MED13L: variants seen among roughly 807,000 people sequenced by gnomAD.
MED13L encodes mediator of RNA polymerase II transcription subunit 13-like.
Under a neutral mutation model 220.9 loss-of-function variants are expected in MED13L, and 7 were observed. The ratio of observed to expected loss-of-function variants is 0.03; its 90% CI spans 0.02 to 0.06. MED13L has a LOEUF of 0.06. Among genes scored for constraint, MED13L ranks in the 10% least tolerant of loss-of-function variants. MED13L has a pLI of 1.00. For synonymous variants in MED13L, 1,011 were observed against 1,015.2 expected, an observed-to-expected ratio of 1.00 and a Z score of 0.08; for missense variants, 1,965 against 2,760.5, an observed-to-expected ratio of 0.71 and a Z score of 6.46.
chr12:115,980,636 T>C lies in MED13L; in HGVS notation c.5364+114A>G, dbSNP rs896323564. ...AACACATCCAGCCTAGCAACTCTTA[T>C]ATCAATGTAGAAGACCAACTAAGCA... On this transcript the variant is annotated intron_variant, in intron 23 of 30. Coordinates refer to ENST00000281928, the MANE Select transcript of MED13L (RefSeq NM_015335.5). 1.4e-4 allele frequency: 156 copies of C among 1,128,280 alleles called. No individual in the cohort carries two copies. The East Asian group carries it at 3.2e-3, about 23-fold the overall frequency. The allele number at this position is 1,128,280 out of a possible 1,614,324, so 69.9% of individuals were successfully genotyped here.
chr12:116,215,776 T>G (rs892187078), intron 2 of MED13L, among the ~76,000 whole-genome samples: 3 of 152,104 alleles, frequency 2.0e-5, no homozygotes, highest in Non-Finnish European at 4.4e-5. Context: ...AAACACCAAT[T>G]TAATGGTCCT....
chr12:116,087,383 G>A (rs1871787268), intron 4 of MED13L, among the ~76,000 whole-genome samples: 1 of 152,112 alleles, frequency 6.6e-6, no homozygotes, highest in Non-Finnish European at 1.5e-5. Context: ...AAAAAAAAGT[G>A]TAAAGTCAAC....
At chr12:115,961,420 G>A in intron 30 of MED13L, 22 bp from the exon 31 acceptor site, 1 of 1,612,830 alleles carries the variant, frequency 6.2e-7, no homozygotes, top group Non-Finnish European at 8.5e-7. Flanking sequence ...AACACACAGA[G>A]CAGGGGCGTG....
At chr12:116,102,710 CT>C (rs869201518) in intron 3 of MED13L, among the ~76,000 whole-genome samples, 667 of 68,660 alleles carry the variant, frequency 9.7e-3, no homozygotes, top group Non-Finnish European at 0.014. Context: ...TTTCTTTTTT[CT>C]TTTTTTTTTT....
chr12:116,148,502 C>A, intron 2 of MED13L: 1 of 310,302 alleles, frequency 3.2e-6, no homozygotes, highest in South Asian at 2.9e-5. Flanking sequence ...ATATAGTAAC[C>A]AGCTAAAGAT....
At chr12:116,037,386 G>A (rs929476792) in intron 4 of MED13L, among the ~76,000 whole-genome samples, 2 of 152,162 alleles carry the variant, frequency 1.3e-5, no homozygotes, top group African/African-American at 4.8e-5. Context: ...CAGGCTGTAT[G>A]TACAAGGTAT....
chr12:116,106,264 T>C (rs995677940), intron 3 of MED13L, among the ~76,000 whole-genome samples: 8 of 152,144 alleles, frequency 5.3e-5, no homozygotes, highest in Admixed American at 4.6e-4. Flanking sequence ...GATGGACTTC[T>C]GGAAGGCTGG....
chr12:116,191,428 T>C (rs1486393256), intron 2 of MED13L, among the ~76,000 whole-genome samples: 2 of 151,978 alleles, frequency 1.3e-5, no homozygotes, highest in Non-Finnish European at 2.9e-5. Context: ...CCCCCTGGGT[T>C]CAAGCAATTC....
At chr12:116,276,400 A>C (rs1336476264) in intron 1 of MED13L, 7 of 1,277,886 alleles carry the variant, frequency 5.5e-6, no homozygotes, top group Admixed American at 4.6e-5. Context: ...AAGACACAGG[A>C]GGAGAGAAAG....
intron 1 of MED13L, among the ~76,000 whole-genome samples, chr12:116,247,255 T>G (rs1276142618): frequency 6.6e-6 from 1 of 151,804 alleles, no homozygotes; most frequent in East Asian, 1.9e-4. Context: ...AAAAGGAAAT[T>G]TAAACAAAAT....
At position 115,963,492 on chromosome 12, in the gene MED13L, C is replaced by T; in HGVS notation, c.6415G>A (p.Ala2139Thr). ...KASLHHHISV[A>T]QTDELLPARN... Reference sequence around the variant, plus strand: ...GCAGGCAGAAGTTCGTCTGTCTGTGCTACTGAAATGTGGTGATGCAGCGAA... The same window carrying T: ...GCAGGCAGAAGTTCGTCTGTCTGTGTTACTGAAATGTGGTGATGCAGCGAA... Residue 2139 changes from alanine to threonine, a missense_variant, in exon 30 of 31, where the codon GCA becomes ACA. Coordinates refer to ENST00000281928, the MANE Select transcript of MED13L (RefSeq NM_015335.5). The T allele has an allele frequency of 6.2e-7, 1 of 1,614,082 alleles. No homozygotes were observed.
rs142972910 is a variant in MED13L at position 116,182,289 on chromosome 12, A to G, written c.310+55179T>C. On this transcript the variant is annotated intron_variant, in intron 2 of 30. Transcript: ENST00000281928. ...AAGTGGGCTCTTGACATCGTGCAGA[A>G]ATCAAATCACACTTCCCTAAGCCCT... Among the ~76,000 whole-genome samples, 7 of 152,296 alleles carry G rather than the reference A, an allele frequency of 4.6e-5. No homozygotes were observed. The East Asian group carries it at 1.4e-3, about 29-fold the overall frequency.
At chr12:116,068,982 C>T (rs1244237325) in intron 4 of MED13L, among the ~76,000 whole-genome samples, 1 of 152,060 alleles carries the variant, frequency 6.6e-6, no homozygotes, top group Non-Finnish European at 1.5e-5. Context: ...ACGTCATTAC[C>T]GAGTGCCATG....
At position 115,966,158 on chromosome 12, in the gene MED13L, G is replaced by A. The variant is rs1177608611; in HGVS notation, c.6311C>T (p.Ala2104Val). 1.9e-6 allele frequency: 3 copies of A among 1,614,132 alleles called. No homozygotes were observed. The highest frequency in any genetic ancestry group is 3.3e-5 in the Admixed American group (2 of 60,014). The change falls in exon 29 of 31, where the codon GCC (alanine) becomes GTC (valine). Residue 2104 changes from alanine (A) to valine (V), a missense_variant. By Grantham distance (64) the Ala-to-Val change is moderately conservative (BLOSUM62 0). Transcript: ENST00000281928. ...CCACTGGGGAAGATTCTCAGCTTTG[G>A]CAGTTGATACAAAATACCCAAGGGC... Reference protein sequence around the residue: ...PLALGYFVSTAKAENLPQWFW... With the variant: ...PLALGYFVSTVKAENLPQWFW...
At chr12:116,142,512 A>AC (rs1477950243) in intron 2 of MED13L, among the ~76,000 whole-genome samples, 1 of 152,012 alleles carries the variant, frequency 6.6e-6, no homozygotes, top group Admixed American at 6.6e-5. Context: ...ACATAGTGAA[A>AC]CCCCATCTCT....
intron 4 of MED13L, among the ~76,000 whole-genome samples, chr12:116,077,256 T>C (rs1870875285): frequency 6.6e-6 from 1 of 152,240 alleles, no homozygotes; most frequent in African/African-American, 2.4e-5. Context: ...GCTTATGTCT[T>C]ATCTTCATAA....
chr12:116,119,804 A>G (rs765116670), intron 2 of MED13L, among the ~76,000 whole-genome samples: 8 of 85,018 alleles, frequency 9.4e-5, no homozygotes, highest in Non-Finnish European at 1.6e-4. Flanking sequence ...AAGACCCCAT[A>G]TCTTTAAAAA....
intron 2 of MED13L, among the ~76,000 whole-genome samples, chr12:116,134,846 T>C (rs1264006272): frequency 6.6e-6 from 1 of 152,064 alleles, no homozygotes. Flanking sequence ...ATAGGATTTA[T>C]GGTTGCTTCA....
chr12:116,262,800 A>G (rs767020979), intron 1 of MED13L, among the ~76,000 whole-genome samples: 1 of 152,222 alleles, frequency 6.6e-6, no homozygotes, highest in Non-Finnish European at 1.5e-5. Flanking sequence ...CAGATTCAAG[A>G]ATAGCACCAT....
Sources: gnomAD v4.1 joint callset for allele counts (sites outside exome capture counted in the v4.1 genomes callset) on GRCh38, gnomAD v4.1.1 for gene constraint, MANE v1.5 for transcripts, NCBI Gene and HGNC (gene_info 2026-07-23, HGNC 2026-07-21) for gene names.